Variants in OGA observed in about 807,000 individuals in gnomAD.
OGA encodes protein O-GlcNAcase.
A neutral mutation model predicts 102.0 loss-of-function variants in OGA; 21 were observed. The observed-to-expected ratio is 0.21, with a 90% CI of 0.15 to 0.30. The LOEUF is 0.30. Ranked by LOEUF, OGA falls within the 10% of genes least tolerant of loss-of-function variation. The pLI is 1.00. For missense variants in OGA, 765 were observed against 1,107.8 expected (o/e 0.69, Z 4.39); for synonymous variants, 408 against 378.2 (o/e 1.08, Z -0.91).
Position 101,791,314 on chromosome 10 carries a change from A to G in OGA, c.2261+40T>C, listed in dbSNP as rs752287116. 2.0e-6 allele frequency: 3 copies of G among 1,519,278 alleles called. No individual in the cohort carries two copies. In the South Asian group the frequency reaches 3.4e-5, roughly 17 times the overall value. 94.1% of individuals were successfully genotyped at this position (1,519,278 alleles called of 1,614,324 possible). On this transcript the variant is annotated intron_variant, in intron 13 of 15. Transcript: ENST00000361464. ...TCCCCTCAACCTGATAAGCCTCACT[A>G]TGAAAGGTCTACTCTCAAATCCAAA...
intron 3 of OGA, among the ~76,000 whole-genome samples, chr10:101,812,332 G>A (rs186689121): frequency 1.3e-5 from 2 of 152,148 alleles, no homozygotes; most frequent in East Asian, 1.9e-4. Flanking sequence ...TCTTGAACTC[G>A]GGAGGGCGAG....
At chr10:101,808,054 A>G (rs1224485620) in intron 4 of OGA, among the ~76,000 whole-genome samples, 153 bp from the exon 5 acceptor site, 1 of 152,228 alleles carries the variant, frequency 6.6e-6, no homozygotes, top group Non-Finnish European at 1.5e-5. Flanking sequence ...AAAAAATCGT[A>G]AGTTAAACAG....
chr10:101,789,882 T>C (rs2065236437), intron 14 of OGA, among the ~76,000 whole-genome samples: 1 of 152,172 alleles, frequency 6.6e-6, no homozygotes, highest in African/African-American at 2.4e-5. Context: ...GCAGGGCTGA[T>C]GCAAGAGGAT....
chr10:101,812,041 A>T (rs1326300248), intron 3 of OGA, among the ~76,000 whole-genome samples: 1 of 152,210 alleles, frequency 6.6e-6, no homozygotes, highest in African/African-American at 2.4e-5. Flanking sequence ...GCTTCTTTGT[A>T]ATTCAAGAAA....
chr10:101,788,095 C>A (rs2065212872), intron 14 of OGA: 2 of 150,166 alleles, frequency 1.3e-5, no homozygotes, highest in East Asian at 1.9e-4. Flanking sequence ...GGCGCCACTG[C>A]ACTCCAGCCT....
At chr10:101,813,966 C>G (rs868795142) in intron 1 of OGA, among the ~76,000 whole-genome samples, 1 of 151,878 alleles carries the variant, frequency 6.6e-6, no homozygotes, top group Non-Finnish European at 1.5e-5. Context: ...TGGGGAACGG[C>G]AGCAATGTAA....
Position 101,818,350 on chromosome 10 carries a change from C to T in OGA, c.-328G>A, listed in dbSNP as rs1199850325. 2 of 1,109,216 alleles carry T rather than the reference C, an allele frequency of 1.8e-6. No individual in the cohort carries two copies. Among genetic ancestry groups the T allele is most frequent in the Middle Eastern group, 3.8e-4 (1 of 2,632 alleles). 68.7% of individuals were successfully genotyped at this position (1,109,216 alleles called of 1,614,324 possible). A position where few individuals can be genotyped will look rare whatever the true frequency, so the allele number is the denominator to read the frequency against. ...CTGTCCTCGTTCTCTGCCTCTGCTG[C>T]CCTCCCGATAATCTTAGGTCTTCCG... On this transcript the variant is annotated 5_prime_UTR_variant, in exon 1 of 16. Coordinates refer to ENST00000361464, the MANE Select transcript of OGA (RefSeq NM_012215.5).
At chr10:101,812,876 C>CAA in intron 3 of OGA, 154 bp downstream of exon 3, 1 of 716,882 alleles carries the variant, frequency 1.4e-6, no homozygotes, top group Non-Finnish European at 2.5e-6. Flanking sequence ...AGCACTCTTT[C>CAA]AATCTCAGCT....
rs765037400 is a variant in OGA at position 101,799,257 on chromosome 10, A to G, written c.1394T>C (p.Met465Thr). Residue 465 changes from methionine to threonine, a missense_variant, in exon 9 of 16, where the codon ATG (methionine) becomes ACG (threonine). Around this residue, in one of 7 missense-constraint regions of OGA, gnomAD observed 281 missense variants for 345.8 expected, o/e 0.81. Coordinates refer to ENST00000361464, the MANE Select transcript of OGA (RefSeq NM_012215.5). ...EEKKQPDEEP[M>T]DMVVEKQEET... ...TTCTTGTTTTTCCACCACCATGTCC[A>G]TGGGTTCTTCATCAGGCTGTTTCTT... The G allele has an allele frequency of 1.2e-6, 2 of 1,613,944 alleles. No individual in the cohort carries two copies. Among genetic ancestry groups the G allele is most frequent in the Non-Finnish European group, 8.5e-7 (1 of 1,180,014 alleles).
chr10:101,810,454 A>G (rs2065539244), intron 3 of OGA, 140 bp from the exon 4 acceptor site: 2 of 735,716 alleles, frequency 2.7e-6, no homozygotes, highest in Middle Eastern at 3.8e-4. Context: ...GTCATGTCCA[A>G]CTTAACAACA....
chr10:101,808,736 G>A (rs889725736), intron 4 of OGA, among the ~76,000 whole-genome samples: 6 of 152,220 alleles, frequency 3.9e-5, no homozygotes, highest in African/African-American at 7.2e-5. Flanking sequence ...TTGGGAGGCC[G>A]AGGCGGGCAA....
chr10:101,807,703 T>C (rs367785013), intron 5 of OGA, 27 bp downstream of exon 5: 95 of 1,467,470 alleles, frequency 6.5e-5, no homozygotes, highest in Non-Finnish European at 7.7e-5. Flanking sequence ...GAAGACTAGT[T>C]AAATGTAAAG....
intron 3 of OGA, among the ~76,000 whole-genome samples, chr10:101,810,801 T>A (rs951830324): frequency 6.6e-6 from 1 of 152,158 alleles, no homozygotes; most frequent in East Asian, 1.9e-4. Flanking sequence ...AGTGGCACGA[T>A]CCTGACTCAC....
At position 101,790,958 on chromosome 10, in the gene OGA, T is replaced by G; in HGVS notation, c.2392A>C (p.Ile798Leu). 6.2e-7 allele frequency: 1 copy of G among 1,613,782 alleles called. No homozygotes were observed. Among genetic ancestry groups the G allele is most frequent in the Non-Finnish European group, 8.5e-7 (1 of 1,179,838 alleles). ...PFIKKCKISW[I>L]PFMQEKYTKP... is the part of the protein sequence containing the mutation. ...GTATACTTCTCCTGCATGAAGGGGA[T>G]CCAGGAAATTTTACATTTTTTAATA... The change falls in exon 14 of 16, where the codon ATC becomes CTC. Residue 798 changes from isoleucine (I) to leucine (L), a missense_variant. This residue lies in a region of OGA where 146 missense variants were observed against 269.7 expected (regional missense o/e 0.54). Transcript: ENST00000361464.
At chr10:101,793,429 A>G (rs1340223303) in intron 11 of OGA, among the ~76,000 whole-genome samples, 3 of 152,242 alleles carry the variant, frequency 2.0e-5, no homozygotes, top group Admixed American at 2.0e-4. Flanking sequence ...GAGCACCTAG[A>G]AAGTCCATGA....
chr10:101,793,070 G>A (rs2065277127), intron 11 of OGA, 127 bp from the exon 12 acceptor site: 2 of 655,788 alleles, frequency 3.0e-6, no homozygotes, highest in East Asian at 2.8e-5. Context: ...GAAGAGGGGT[G>A]TACTATGCTT....
intron 7 of OGA, among the ~76,000 whole-genome samples, chr10:101,802,777 C>T (rs968419972): frequency 2.0e-5 from 3 of 151,778 alleles, no homozygotes; most frequent in Admixed American, 2.0e-4. Flanking sequence ...AAGCACCTTA[C>T]TTAGAACTCT....
At position 101,792,602 on chromosome 10, in the gene OGA, A is replaced by T. The variant is rs539538034; in HGVS notation, c.2175+237T>A. The T allele has an allele frequency of 7.0e-6, 3 of 426,334 alleles. No homozygotes were observed. The South Asian group carries it at 1.3e-4, about 18-fold the overall frequency. 26.4% of individuals were successfully genotyped at this position (426,334 alleles called of 1,614,324 possible). A position where few individuals can be genotyped will look rare whatever the true frequency, so the allele number is the denominator to read the frequency against. ...ACACATTAACTATTTTGTAACTCCA[A>T]CTCTGAATACATTTCATCTGACTTT... On this transcript the variant is annotated intron_variant, in intron 12 of 15. Coordinates refer to ENST00000361464, the MANE Select transcript of OGA (RefSeq NM_012215.5).
At chr10:101,805,667 A>AG (rs1374844198) in intron 6 of OGA, among the ~76,000 whole-genome samples, 1 of 149,818 alleles carries the variant, frequency 6.7e-6, no homozygotes, top group East Asian at 2.0e-4. Flanking sequence ...AAAAAAAAAA[A>AG]AAAAAAGGCC....
Sources: gnomAD v4.1 joint callset for allele counts (sites outside exome capture counted in the v4.1 genomes callset) on GRCh38, gnomAD v4.1.1 for gene constraint, gnomAD v4.1.1 regional missense constraint, MANE v1.5 for transcripts, NCBI Gene and HGNC (gene_info 2026-07-23, HGNC 2026-07-21) for gene names.